Variants in CNTNAP2 observed in about 807,000 individuals in gnomAD.
CNTNAP2 encodes contactin-associated protein-like 2.
In CNTNAP2, 98 loss-of-function variants were observed where a neutral mutation model predicts 155.2. The ratio of observed to expected loss-of-function variants is 0.63; its 90% CI spans 0.54 to 0.75. The LOEUF is 0.75. CNTNAP2 is among the 30% of genes least tolerant of loss of function. The pLI is 0.00. For missense variants in CNTNAP2, 1,727 were observed against 1,688.1 expected, an observed-to-expected ratio of 1.02 and a Z score of -0.40; for synonymous variants, 651 against 631.2, an observed-to-expected ratio of 1.03 and a Z score of -0.47.
chr7:146,603,280 C>T (rs964971044), intron 1 of CNTNAP2, among the ~76,000 whole-genome samples: 3 of 150,598 alleles, frequency 2.0e-5, no homozygotes, highest in East Asian at 2.0e-4. Flanking sequence ...GGCGTGGTGG[C>T]GGGCGCCTGT....
At chr7:148,230,054 A>G (rs1266512353) in intron 20 of CNTNAP2, among the ~76,000 whole-genome samples, 1 of 152,234 alleles carries the variant, frequency 6.6e-6, no homozygotes, top group African/African-American at 2.4e-5. Flanking sequence ...CCACATATCT[A>G]TCAATTTACT....
chr7:147,152,947 T>C (rs578176631), intron 8 of CNTNAP2, among the ~76,000 whole-genome samples: 2 of 152,230 alleles, frequency 1.3e-5, no homozygotes, highest in Non-Finnish European at 2.9e-5. Context: ...TTTCCATTGG[T>C]TCATGCTGGC....
chr7:147,736,375 T>G (rs1796844502), intron 13 of CNTNAP2, among the ~76,000 whole-genome samples: 1 of 152,252 alleles, frequency 6.6e-6, no homozygotes. Flanking sequence ...CTTGTAGAGT[T>G]TCTGCCAAGA....
At chr7:146,273,878 A>G (rs1800123453) in intron 1 of CNTNAP2, among the ~76,000 whole-genome samples, 1 of 152,174 alleles carries the variant, frequency 6.6e-6, no homozygotes, top group Admixed American at 6.6e-5. Flanking sequence ...GAATGAGAAT[A>G]AAATGTAAAT....
At chr7:148,246,445 A>C (rs561887145) in intron 20 of CNTNAP2, among the ~76,000 whole-genome samples, 1 of 152,340 alleles carries the variant, frequency 6.6e-6, no homozygotes, top group African/African-American at 2.4e-5. Flanking sequence ...AAGACCATTA[A>C]AGAAACAAAC....
chr7:147,960,405 A>T (rs960838988), intron 14 of CNTNAP2, among the ~76,000 whole-genome samples: 1 of 152,196 alleles, frequency 6.6e-6, no homozygotes, highest in Non-Finnish European at 1.5e-5. Flanking sequence ...TGATTAACCA[A>T]TGAGGTGGTA....
chr7:147,858,689 T>C (rs1037462533), intron 13 of CNTNAP2, among the ~76,000 whole-genome samples: 1 of 152,086 alleles, frequency 6.6e-6, no homozygotes, highest in Non-Finnish European at 1.5e-5. Flanking sequence ...AAGAAAGACA[T>C]GTAGACATAG....
At chr7:146,761,288 A>G (rs1317235317) in intron 1 of CNTNAP2, among the ~76,000 whole-genome samples, 1 of 56,090 alleles carries the variant, frequency 1.8e-5, no homozygotes, top group Non-Finnish European at 3.6e-5. Context: ...AATTGCTGGA[A>G]GGAAGGAAGG....
chr7:148,275,974 C>T (rs575581424), intron 21 of CNTNAP2, among the ~76,000 whole-genome samples: 3 of 152,038 alleles, frequency 2.0e-5, no homozygotes, highest in African/African-American at 7.2e-5. Flanking sequence ...TTTGAGGAAC[C>T]ACAAGTTGCA....
chr7:147,306,270 A>G (rs1795024274), intron 9 of CNTNAP2, among the ~76,000 whole-genome samples: 1 of 152,224 alleles, frequency 6.6e-6, no homozygotes, highest in African/African-American at 2.4e-5. Flanking sequence ...CTATTCTCAA[A>G]GATGGCTCTT....
rs1454096594 is a variant in CNTNAP2, at chr7:148,383,694, G to C, written c.3521G>C (p.Gly1174Ala). 2 of 1,614,032 alleles carry C rather than the reference G, an allele frequency of 1.2e-6. No individual in the cohort carries two copies. The highest frequency in any genetic ancestry group is 1.1e-5 in the South Asian group (1 of 91,084). Reference sequence around the variant, plus strand: ...GAGATTCACAAATACAACACCCCAGGATTCACTGGTTGCCTCTCCAGAGTC... The same window carrying C: ...GAGATTCACAAATACAACACCCCAGCATTCACTGGTTGCCTCTCCAGAGTC... ...DQEIHKYNTP[G>A]FTGCLSRVQF... Residue 1174 changes from glycine (G) to alanine (A), a missense_variant, in exon 22 of 24, where the codon GGA becomes GCA. Gly to Ala is a moderately conservative substitution (Grantham distance 60). Transcript: ENST00000361727.
intron 1 of CNTNAP2, among the ~76,000 whole-genome samples, chr7:146,580,311 A>C (rs191861096): frequency 6.6e-6 from 1 of 152,170 alleles, no homozygotes; most frequent in Admixed American, 6.6e-5. Context: ...TTGCATCTCA[A>C]ATGATAATTT....
intron 2 of CNTNAP2, among the ~76,000 whole-genome samples, chr7:146,776,974 T>A (rs1802400617): frequency 6.6e-6 from 1 of 152,150 alleles, no homozygotes; most frequent in African/African-American, 2.4e-5. Flanking sequence ...TATATTTATA[T>A]CTACCTAGAT....
chr7:146,956,233 A>G (rs184189913), intron 3 of CNTNAP2, among the ~76,000 whole-genome samples: 3 of 152,156 alleles, frequency 2.0e-5, no homozygotes, highest in Admixed American at 1.3e-4. Flanking sequence ...GGAAACCTTC[A>G]GAGATATTCT....
At chr7:147,408,995 A>C (rs1029468567) in intron 10 of CNTNAP2, among the ~76,000 whole-genome samples, 4 of 152,170 alleles carry the variant, frequency 2.6e-5, no homozygotes, top group African/African-American at 9.7e-5. Context: ...TAGATGTGGA[A>C]ACCGGAAAAG....
rs145889382 is a variant in CNTNAP2, at chr7:146,980,244, G to A, written c.403-63663G>A. Reference sequence around the variant, plus strand: ...GTAGTTCTAGTAAAGAAACCAAAAGGCAAAACAGAATGTCAGAAGGGGGCA... The same window carrying A: ...GTAGTTCTAGTAAAGAAACCAAAAGACAAAACAGAATGTCAGAAGGGGGCA... On this transcript the variant is annotated intron_variant, in intron 3 of 23. Transcript: ENST00000361727. 1.7e-3 allele frequency among the ~76,000 whole-genome samples: 252 copies of A among 152,192 alleles called. 1 individual carries two copies. Among genetic ancestry groups the A allele is most frequent in the African/African-American group, 5.8e-3 (241 of 41,512 alleles).
At chr7:146,317,734 A>G (rs1465330620) in intron 1 of CNTNAP2, among the ~76,000 whole-genome samples, 1 of 152,260 alleles carries the variant, frequency 6.6e-6, no homozygotes, top group African/African-American at 2.4e-5. Flanking sequence ...GGCAGAAAGA[A>G]TACGCAGAAG....
chr7:147,343,678 T>C (rs1290059453), intron 9 of CNTNAP2, among the ~76,000 whole-genome samples: 1 of 152,210 alleles, frequency 6.6e-6, no homozygotes, highest in Non-Finnish European at 1.5e-5. Context: ...AGTGCGGCAA[T>C]GATAATACTG....
chr7:147,330,025 T>C (rs1186784292), intron 9 of CNTNAP2, among the ~76,000 whole-genome samples: 1 of 152,130 alleles, frequency 6.6e-6, no homozygotes, highest in Admixed American at 6.5e-5. Flanking sequence ...GAATGTCTTT[T>C]ATTGGTCACA....
Sources: gnomAD v4.1 joint callset for allele counts (sites outside exome capture counted in the v4.1 genomes callset) on GRCh38, gnomAD v4.1.1 for gene constraint, MANE v1.5 for transcripts, NCBI Gene and HGNC (gene_info 2026-07-23, HGNC 2026-07-21) for gene names.